NEK7: variants seen among roughly 807,000 people sequenced by gnomAD.
The protein encoded by NEK7 is NIMA related kinase 7.
Under a neutral mutation model 44.6 loss-of-function variants are expected in NEK7, and 18 were observed. The ratio of observed to expected loss-of-function variants is 0.40; its 90% CI spans 0.28 to 0.60. The LOEUF (loss-of-function observed/expected upper bound fraction) is 0.60, where lower values mean the gene tolerates loss of function less well. Ranked by LOEUF, NEK7 falls within the 20% of genes least tolerant of loss-of-function variation. NEK7 has a pLI of 0.38. For synonymous variants in NEK7, 130 were observed against 121.1 expected (o/e 1.07, Z -0.48); for missense variants, 256 against 366.5 (o/e 0.70, Z 2.46).
At chr1:198,301,463 T>C (rs1654880384) in intron 9 of NEK7, among the ~76,000 whole-genome samples, 1 of 152,214 alleles carries the variant, frequency 6.6e-6, no homozygotes, top group African/African-American at 2.4e-5. Context: ...GGCGGGAGAA[T>C]GGCGTGAACC....
chr1:198,252,942 AC>A, intron 2 of NEK7, 97 bp from the exon 3 acceptor site: 2 of 980,916 alleles, frequency 2.0e-6, no homozygotes, highest in Non-Finnish European at 3.1e-6. Flanking sequence ...CTGCAAACTT[AC>A]CCTATGTGTC....
chr1:198,228,378 A>C (rs1367653964), intron 1 of NEK7, among the ~76,000 whole-genome samples: 2 of 152,132 alleles, frequency 1.3e-5, no homozygotes, highest in Admixed American at 1.3e-4. Flanking sequence ...TGTGAACTTT[A>C]AAGTAGTTTT....
intron 2 of NEK7, among the ~76,000 whole-genome samples, chr1:198,238,040 A>G (rs1221336026): frequency 6.6e-6 from 1 of 152,150 alleles, no homozygotes. Flanking sequence ...CAACCTGTCC[A>G]CTTTCTTTAT....
chr1:198,169,252 G>A (rs922875442), intron 1 of NEK7, among the ~76,000 whole-genome samples: 3 of 152,182 alleles, frequency 2.0e-5, no homozygotes, highest in African/African-American at 4.8e-5. Flanking sequence ...GTAGCTAAAT[G>A]AGATGCTTCT....
chr1:198,231,299 G>GTA (rs1375044919), intron 1 of NEK7, among the ~76,000 whole-genome samples: 193 of 98,210 alleles, frequency 2.0e-3, no homozygotes, highest in Middle Eastern at 9.7e-3. Flanking sequence ...GTATGTGTGT[G>GTA]TGTATATATA....
At chr1:198,244,826 C>A (rs967452674) in intron 2 of NEK7, among the ~76,000 whole-genome samples, 6 of 151,586 alleles carry the variant, frequency 4.0e-5, no homozygotes, top group Admixed American at 6.6e-5. Flanking sequence ...AAAAAAAAAC[C>A]CCCACTTTGG....
chr1:198,234,413 A>G (rs1666489929), intron 2 of NEK7, among the ~76,000 whole-genome samples: 2 of 152,164 alleles, frequency 1.3e-5, no homozygotes, highest in South Asian at 2.1e-4. Flanking sequence ...GACTCATTTT[A>G]CACACATACA....
At chr1:198,211,040 G>A (rs2102818176) in intron 1 of NEK7, among the ~76,000 whole-genome samples, 1 of 152,140 alleles carries the variant, frequency 6.6e-6, no homozygotes, top group South Asian at 2.1e-4. Context: ...CTTTATTAGT[G>A]ATATTCAACA....
intron 1 of NEK7, among the ~76,000 whole-genome samples, chr1:198,205,419 TTACC>T (rs1163151291): frequency 2.6e-5 from 4 of 152,182 alleles, no homozygotes; most frequent in African/African-American, 9.7e-5. Context: ...TACTTCAGAC[TTACC>T]TAATCATAAT....
At chr1:198,163,727 C>T (rs571498409) in intron 1 of NEK7, among the ~76,000 whole-genome samples, 2 of 152,236 alleles carry the variant, frequency 1.3e-5, no homozygotes, top group East Asian at 3.9e-4. Context: ...TGGCAACCTA[C>T]AAATTGACTT....
At chr1:198,231,299 G>GTATATATATATATATATATATA (rs1375044919) in intron 1 of NEK7, among the ~76,000 whole-genome samples, 2 of 98,260 alleles carry the variant, frequency 2.0e-5, no homozygotes, top group African/African-American at 4.3e-5. Context: ...GTATGTGTGT[G>GTATATATATATATATATATATA]TGTATATATA....
At chr1:198,293,865 G>A (rs1355736765) in intron 8 of NEK7, among the ~76,000 whole-genome samples, 1 of 151,714 alleles carries the variant, frequency 6.6e-6, no homozygotes, top group Admixed American at 6.6e-5. Context: ...TCCCTGTGTA[G>A]GAATCATTTT....
chr1:198,201,322 GT>G (rs1294790078), intron 1 of NEK7, among the ~76,000 whole-genome samples: 12 of 151,992 alleles, frequency 7.9e-5, no homozygotes, highest in Admixed American at 5.2e-4. Context: ...TCTTAGAATT[GT>G]TTTATTAGTT....
At chr1:198,229,883 A>C (rs12033304) in intron 1 of NEK7, among the ~76,000 whole-genome samples, 20,986 of 151,948 alleles carry the variant, frequency 0.14, 2,122 homozygotes, top group East Asian at 0.57. Context: ...TTCTTTTTTC[A>C]TTGTTTTATT....
intron 5 of NEK7, among the ~76,000 whole-genome samples, chr1:198,276,006 G>A (rs558148895): frequency 2.6e-5 from 4 of 151,622 alleles, no homozygotes; most frequent in African/African-American, 4.8e-5. Flanking sequence ...GGCCTATAAC[G>A]AATTTGGATA....
chr1:198,295,806 CTAT>C (rs35583566), intron 8 of NEK7, among the ~76,000 whole-genome samples: 12,891 of 146,288 alleles, frequency 0.088, 1,587 homozygotes, highest in African/African-American at 0.28. Flanking sequence ...ACAAAAACCA[CTAT>C]TATTATTATT....
chr1:198,244,881 TA>T (rs1666789839), intron 2 of NEK7, among the ~76,000 whole-genome samples: 1 of 152,098 alleles, frequency 6.6e-6, no homozygotes, highest in Non-Finnish European at 1.5e-5. Flanking sequence ...GAGAAATGTA[TA>T]TACATAATTG....
chr1:198,177,955 ATAAGAAT>A (rs547830117), intron 1 of NEK7, among the ~76,000 whole-genome samples: 117 of 152,252 alleles, frequency 7.7e-4, no homozygotes, highest in African/African-American at 2.7e-3. Flanking sequence ...GCACAGAAAC[ATAAGAAT>A]TAAGAATATA....
At chr1:198,217,371 G>A (rs1665951293) in intron 1 of NEK7, among the ~76,000 whole-genome samples, 1 of 151,878 alleles carries the variant, frequency 6.6e-6, no homozygotes, top group African/African-American at 2.4e-5. Flanking sequence ...TGCAGAAAAA[G>A]CATTTGATAA....
Sources: gnomAD v4.1 joint callset for allele counts (sites outside exome capture counted in the v4.1 genomes callset) on GRCh38, gnomAD v4.1.1 for gene constraint, MANE v1.5 for transcripts, NCBI Gene and HGNC (gene_info 2026-07-23, HGNC 2026-07-21) for gene names.